KHDRBS2: variants seen among roughly 807,000 people sequenced by gnomAD.
The protein encoded by KHDRBS2 is KH RNA binding domain containing, signal transduction associated 2, also known as KH domain-containing, RNA-binding, signal transduction-associated protein 2.
Under a neutral mutation model 44.3 loss-of-function variants are expected in KHDRBS2, and 26 were observed. The observed-to-expected ratio is 0.59, with a 90% CI of 0.43 to 0.81. The LOEUF (loss-of-function observed/expected upper bound fraction) is 0.81. Among genes scored for constraint, KHDRBS2 ranks in the 40% least tolerant of loss-of-function variants. The probability of loss-of-function intolerance (pLI) is 0.00; values close to 1 mark genes in which losing one functional copy is unlikely to be tolerated. For synonymous variants in KHDRBS2, 194 were observed against 151.1 expected (o/e 1.28, Z -2.08); for missense variants, 476 against 433.1 (o/e 1.10, Z -0.88).
At chr6:62,031,455 A>G (rs779155522) in intron 3 of KHDRBS2, among the ~76,000 whole-genome samples, 10 of 152,060 alleles carry the variant, frequency 6.6e-5, no homozygotes, top group Non-Finnish European at 1.2e-4. Flanking sequence ...GAGATCCCCA[A>G]TTCCAGGACT....
At chr6:61,729,418 A>G (rs1367284486) in intron 7 of KHDRBS2, among the ~76,000 whole-genome samples, 1 of 152,136 alleles carries the variant, frequency 6.6e-6, no homozygotes, top group African/African-American at 2.4e-5. Flanking sequence ...ACAAACCGCC[A>G]TGACAGATGA....
At chr6:61,621,341 A>G in the KHDRBS2 span, among the ~76,000 whole-genome samples, 1 of 152,194 alleles carries the variant, frequency 6.6e-6, no homozygotes, top group African/African-American at 2.4e-5. Context: ...ACTTGTATTG[A>G]CTCCTGTAAA....
Position 62,108,654 on chromosome 6 carries a change from T to G in KHDRBS2, c.220-60660A>C, listed in dbSNP as rs568601608. ...TATAAAGACACATGCACACGTATGT[T>G]CATTGCGGCACTATTCACAATAGCA... On this transcript the variant is annotated intron_variant, in intron 2 of 8. Coordinates refer to ENST00000281156, the MANE Select transcript of KHDRBS2 (RefSeq NM_152688.4). 1.4e-3 allele frequency among the ~76,000 whole-genome samples: 213 copies of G among 152,330 alleles called. 2 individuals are homozygous for G. The highest frequency in any genetic ancestry group is 5.1e-3 in the African/African-American group (210 of 41,564).
chr6:61,983,371 T>C (rs1774386409), intron 3 of KHDRBS2, among the ~76,000 whole-genome samples: 2 of 151,366 alleles, frequency 1.3e-5, no homozygotes, highest in Admixed American at 6.6e-5. Flanking sequence ...CTACCACACA[T>C]GGCCATAACT....
chr6:61,591,469 C>A, the KHDRBS2 span, among the ~76,000 whole-genome samples: 1 of 152,224 alleles, frequency 6.6e-6, no homozygotes, highest in South Asian at 2.1e-4. Context: ...GATCTGAATA[C>A]TTCTGAGGTA....
At chr6:61,828,955 A>G (rs1791357311) in intron 6 of KHDRBS2, among the ~76,000 whole-genome samples, 1 of 152,234 alleles carries the variant, frequency 6.6e-6, no homozygotes, top group Non-Finnish European at 1.5e-5. Flanking sequence ...GTGGGTTAGG[A>G]TTATTAATTT....
intron 6 of KHDRBS2, among the ~76,000 whole-genome samples, chr6:61,832,296 AAT>A (rs1234119468): frequency 6.6e-6 from 1 of 152,172 alleles, no homozygotes; most frequent in Non-Finnish European, 1.5e-5. Context: ...TATCACAATA[AAT>A]ATATGTTTAA....
Position 62,016,135 on chromosome 6 carries a change from G to A in KHDRBS2, c.336+31743C>T, listed in dbSNP as rs145945397. ...CTTTTTCTTTCACTTTTTTTCCCAT[G>A]GATATTTTAGTTTCTAGTGGTTCTA... On this transcript the variant is annotated intron_variant, in intron 3 of 8. Transcript: ENST00000281156. Among the ~76,000 whole-genome samples, 791 of 152,024 alleles carry A rather than the reference G, an allele frequency of 5.2e-3. 9 individuals are homozygous for A. The highest frequency in any genetic ancestry group is 0.017 in the Middle Eastern group (5 of 294).
chr6:62,184,099 GA>G (rs1822939578), intron 1 of KHDRBS2, among the ~76,000 whole-genome samples: 1 of 151,598 alleles, frequency 6.6e-6, no homozygotes, highest in Admixed American at 6.6e-5. Context: ...TAATAGAATA[GA>G]ATAATGCAAC....
At chr6:62,121,990 C>T (rs532214138) in intron 2 of KHDRBS2, among the ~76,000 whole-genome samples, 1 of 152,064 alleles carries the variant, frequency 6.6e-6, no homozygotes, top group South Asian at 2.1e-4. Context: ...CCTAGTGGGC[C>T]TATTTGGATT....
chr6:62,071,769 T>A (rs1394225385), intron 2 of KHDRBS2, among the ~76,000 whole-genome samples: 1 of 152,208 alleles, frequency 6.6e-6, no homozygotes, highest in Non-Finnish European at 1.5e-5. Flanking sequence ...TGAAGTCAGG[T>A]AGCGTGATGC....
chr6:61,739,792 C>T (rs992887330), intron 6 of KHDRBS2, among the ~76,000 whole-genome samples: 1 of 151,812 alleles, frequency 6.6e-6, no homozygotes, highest in African/African-American at 2.4e-5. Context: ...AAGAGGTGAA[C>T]ATTAGCACAC....
intron 1 of KHDRBS2, among the ~76,000 whole-genome samples, chr6:62,267,074 T>C (rs986232035): frequency 6.6e-6 from 1 of 152,008 alleles, no homozygotes; most frequent in South Asian, 2.1e-4. Flanking sequence ...TTATAAGAGA[T>C]TGCTGTTATC....
chr6:61,681,038 G>T lies in KHDRBS2; in HGVS notation c.975C>A (p.Thr325=), dbSNP rs1258813431. The T allele has an allele frequency of 6.2e-7, 1 of 1,611,528 alleles. No individual in the cohort carries two copies. Among genetic ancestry groups the T allele is most frequent in the African/African-American group, 1.3e-5 (1 of 74,832 alleles). The change falls in exon 9 of 9, where the codon ACC becomes ACA. Residue 325 remains threonine, a synonymous_variant. Transcript: ENST00000281156. ...GCGGTGGTGCCTTCAAGCTAGAGCG[G>T]GTTGTGGCCCATTCTTCTGGTGCTG... ...DSYAPEEWAT[T]RSSLKAPPQR...
At chr6:61,777,826 T>C (rs1023469628) in intron 6 of KHDRBS2, among the ~76,000 whole-genome samples, 5 of 152,056 alleles carry the variant, frequency 3.3e-5, no homozygotes, top group Non-Finnish European at 5.9e-5. Flanking sequence ...TAAGATTTTA[T>C]TTATTTATTT....
Position 62,246,074 on chromosome 6 carries a change from C to T in KHDRBS2, c.91+39784G>A, listed in dbSNP as rs1835491388. On this transcript the variant is annotated intron_variant, in intron 1 of 8. Coordinates refer to ENST00000281156, the MANE Select transcript of KHDRBS2 (RefSeq NM_152688.4). ...AGAATATAGTATTTTATGAGTTCTA[C>T]AGCATAGAAACATTAATTCAATCAA... Among the ~76,000 whole-genome samples, 8 of 139,152 alleles carry T rather than the reference C, an allele frequency of 5.7e-5. No individual in the cohort carries two copies. In the Admixed American group the frequency reaches 6.2e-4, roughly 11 times the overall value. 91.3% of individuals were successfully genotyped at this position (139,152 alleles called of 152,430 possible).
chr6:61,574,617 A>C, the KHDRBS2 span, among the ~76,000 whole-genome samples: 1 of 152,102 alleles, frequency 6.6e-6, no homozygotes, highest in Non-Finnish European at 1.5e-5. Context: ...TAACGGAACA[A>C]GTTACCCTAG....
chr6:61,860,453 T>C (rs1016138478), intron 6 of KHDRBS2, among the ~76,000 whole-genome samples: 3 of 152,086 alleles, frequency 2.0e-5, no homozygotes, highest in Non-Finnish European at 4.4e-5. Context: ...CTCCCACTTA[T>C]AAGTGAGAAC....
intron 4 of KHDRBS2, among the ~76,000 whole-genome samples, chr6:61,974,981 TA>T (rs1554300765): frequency 3.8e-5 from 5 of 130,986 alleles, no homozygotes; most frequent in African/African-American, 1.3e-4. Context: ...AATAAATAAA[TA>T]AAAGACTACA....
Sources: gnomAD v4.1 joint callset for allele counts (sites outside exome capture counted in the v4.1 genomes callset) on GRCh38, gnomAD v4.1.1 for gene constraint, MANE v1.5 for transcripts, NCBI Gene and HGNC (gene_info 2026-07-23, HGNC 2026-07-21) for gene names.